The following BRWD1 variants were observed in gnomAD, a reference collection of about 807,000 sequenced individuals.
BRWD1 encodes the protein bromodomain and WD repeat domain containing 1, also known as bromodomain and WD repeat-containing protein 1.
BRWD1 carries 82 observed loss-of-function variants against 251.2 expected under a neutral mutation model. That is an observed-to-expected ratio of 0.33 (90% CI 0.27 to 0.39). The LOEUF is 0.39. BRWD1 is among the 10% of genes least tolerant of loss of function. BRWD1 has a pLI of 1.00. For missense variants in BRWD1, 2,233 were observed against 2,711.6 expected (o/e 0.82, Z 3.92); for synonymous variants, 918 against 902.8 (o/e 1.02, Z -0.30).
chr21:39,300,489 A>T (rs891221343), intron 4 of BRWD1, among the ~76,000 whole-genome samples: 3 of 152,232 alleles, frequency 2.0e-5, no homozygotes, highest in Admixed American at 2.0e-4. Context: ...CTCTGCTGGA[A>T]GGGAAAGTAT....
chr21:39,304,180 T>C (rs933576871), intron 4 of BRWD1, among the ~76,000 whole-genome samples: 9 of 138,100 alleles, frequency 6.5e-5, no homozygotes, highest in African/African-American at 2.4e-4. Flanking sequence ...ACAGAATAAG[T>C]AGAATACTTT....
chr21:39,292,119 GGGTGGGTGGGGGT>G lies in BRWD1; in HGVS notation c.831+1679_831+1691del, dbSNP rs2035827423. Among the ~76,000 whole-genome samples the G allele has an allele frequency of 4.2e-5, 2 of 47,262 alleles. 1 individual carries two copies. The highest frequency in any genetic ancestry group is 1.4e-4 in the African/African-American group (2 of 14,546). 31.0% of individuals were successfully genotyped at this position (47,262 alleles called of 152,430 possible). A position where few individuals can be genotyped will look rare whatever the true frequency, so the allele number is the denominator to read the frequency against. On this transcript the variant is annotated intron_variant, in intron 8 of 40. Transcript: ENST00000342449. ...ACCTTGCCAAACTATTTTTTGTGGG[GGGTGGGTGGGGGT>G]GGGGGGGGGGGTCTCACTAAGTTGC... is the stretch of plus-strand genomic sequence containing the variant.
intron 8 of BRWD1, 82 bp from the exon 9 acceptor site, chr21:39,280,330 A>G (rs2035416982): frequency 4.7e-6 from 5 of 1,067,414 alleles, no homozygotes; most frequent in Non-Finnish European, 1.4e-6. Flanking sequence ...CTTAACTTCA[A>G]TTGACAGTTT....
intron 9 of BRWD1, 40 bp downstream of exon 9, chr21:39,280,108 A>G (rs377168678): frequency 2.8e-5 from 40 of 1,411,052 alleles, no homozygotes; most frequent in Non-Finnish European, 3.9e-5. Context: ...CTGTAACTAC[A>G]TTAAAAAACA....
chr21:39,218,302 C>T (rs1433765982), intron 30 of BRWD1, 30 bp from the exon 31 acceptor site: 1 of 1,581,356 alleles, frequency 6.3e-7, no homozygotes, highest in Non-Finnish European at 8.6e-7. Context: ...AGTTTTTAAT[C>T]AATAAATCCA....
At chr21:39,261,670 T>C (rs914433673) in intron 17 of BRWD1, among the ~76,000 whole-genome samples, 1 of 152,122 alleles carries the variant, frequency 6.6e-6, no homozygotes, top group Non-Finnish European at 1.5e-5. Context: ...ATTGACAATT[T>C]CTGCCCTAAA....
intron 29 of BRWD1, among the ~76,000 whole-genome samples, chr21:39,220,357 T>C (rs1169890560): frequency 6.6e-6 from 1 of 152,206 alleles, no homozygotes; most frequent in African/African-American, 2.4e-5. Flanking sequence ...GCATGATACA[T>C]AGAGCAGTGG....
Position 39,194,238 on chromosome 21 carries a change from T to G in BRWD1, c.*2021A>C. The G allele has an allele frequency of 2.0e-6, 2 of 986,292 alleles. No homozygotes were observed. Among genetic ancestry groups the G allele is most frequent in the Non-Finnish European group, 2.4e-6 (2 of 828,820 alleles). 61.1% of individuals were successfully genotyped at this position (986,292 alleles called of 1,614,324 possible). On this transcript the variant is annotated 3_prime_UTR_variant, in exon 41 of 41. Transcript: ENST00000342449. ...TATACCAAAAGAATGTATGTACTTATGAATGTATTCCATATTTATTTATGG... is the reference window on the plus strand; with the variant it reads ...TATACCAAAAGAATGTATGTACTTAGGAATGTATTCCATATTTATTTATGG...
chr21:39,311,315 GCACCAC>G (rs1404524457), intron 4 of BRWD1, among the ~76,000 whole-genome samples: 1 of 151,838 alleles, frequency 6.6e-6, no homozygotes, highest in Admixed American at 6.6e-5. Context: ...CTACAGGCAC[GCACCAC>G]CACAGCCGCC....
intron 31 of BRWD1, among the ~76,000 whole-genome samples, chr21:39,216,124 C>T (rs1349397014): frequency 6.6e-6 from 1 of 152,126 alleles, no homozygotes; most frequent in Admixed American, 6.5e-5. Flanking sequence ...ATAATGTGGA[C>T]TCAAGATGAC....
chr21:39,210,750 A>G (rs1404651770), intron 35 of BRWD1, 36 bp downstream of exon 35: 7 of 1,562,374 alleles, frequency 4.5e-6, no homozygotes, highest in Non-Finnish European at 6.0e-6. Flanking sequence ...CTGCAAAACA[A>G]GAAAAGCCCC....
intron 15 of BRWD1, 58 bp downstream of exon 15, chr21:39,269,840 AC>A: frequency 7.4e-7 from 1 of 1,350,158 alleles, no homozygotes; most frequent in Non-Finnish European, 9.7e-7. Flanking sequence ...AAGCCGCATA[AC>A]CCAAATACTC....
chr21:39,296,767 A>C, intron 5 of BRWD1: 1 of 937,948 alleles, frequency 1.1e-6, no homozygotes, highest in Non-Finnish European at 1.3e-6. Context: ...AGATCTTTTG[A>C]CTCCAAGTCC....
chr21:39,290,448 G>A (rs1009673329), intron 8 of BRWD1, among the ~76,000 whole-genome samples: 2 of 148,202 alleles, frequency 1.3e-5, no homozygotes, highest in East Asian at 2.0e-4. Context: ...CTGAGATTGC[G>A]CCACTGCACT....
At chr21:39,237,654 C>T (rs1473977517) in intron 22 of BRWD1, among the ~76,000 whole-genome samples, 3 of 151,974 alleles carry the variant, frequency 2.0e-5, no homozygotes, top group Non-Finnish European at 4.4e-5. Flanking sequence ...TTGCCAGGGA[C>T]ATGAGGAAGG....
chr21:39,218,704 A>G (rs1216860530), intron 29 of BRWD1, 44 bp from the exon 30 acceptor site: 2 of 1,452,016 alleles, frequency 1.4e-6, no homozygotes, highest in Non-Finnish European at 1.8e-6. Context: ...AAAAAACACA[A>G]AAAATAAATA....
chr21:39,196,342 C>G lies in BRWD1; in HGVS notation c.6727G>C (p.Gly2243Arg). The G allele has an allele frequency of 6.2e-7, 1 of 1,613,464 alleles. No homozygotes were observed. The highest frequency in any genetic ancestry group is 8.5e-7 in the Non-Finnish European group (1 of 1,179,632). Residue 2243 changes from glycine to arginine, a missense_variant, in exon 41 of 41, where the codon GGT becomes CGT. Physicochemically the swap from Gly to Arg is moderately radical, Grantham distance 125. Coordinates refer to ENST00000342449, the MANE Select transcript of BRWD1 (RefSeq NM_033656.4). ...TCATGGTATCTCACAGTCCTTCTAC[C>G]CTGATTTCTCGTTTTTATTTTTGAA... is the stretch of plus-strand genomic sequence containing the variant. The part of the protein sequence containing the change: ...RRSKIKTRNQ[G>R]RRTVRYHDGD...
At chr21:39,318,940 T>A (rs140341257) in intron 1 of BRWD1, among the ~76,000 whole-genome samples, 1 of 152,126 alleles carries the variant, frequency 6.6e-6, no homozygotes, top group Non-Finnish European at 1.5e-5. Context: ...TAGATTTTAT[T>A]TATTTATTTA....
Position 39,194,604 on chromosome 21 carries a change from G to C in BRWD1, c.*1655C>G. The C allele has an allele frequency of 6.6e-7, 1 of 1,508,012 alleles. No homozygotes were observed. Among genetic ancestry groups the C allele is most frequent in the Non-Finnish European group, 8.8e-7 (1 of 1,132,538 alleles). The allele number at this position is 1,508,012 out of a possible 1,614,324, so 93.4% of individuals were successfully genotyped here. Reference sequence around the variant, plus strand: ...CAAAAACATCCTTCCCCATGCATCAGAGTAGAAAGAAAATGTACCTTCTAC... The same window carrying C: ...CAAAAACATCCTTCCCCATGCATCACAGTAGAAAGAAAATGTACCTTCTAC... On this transcript the variant is annotated 3_prime_UTR_variant, in exon 41 of 41. Transcript: ENST00000342449.
Sources: gnomAD v4.1 joint callset for allele counts (sites outside exome capture counted in the v4.1 genomes callset) on GRCh38, gnomAD v4.1.1 for gene constraint, MANE v1.5 for transcripts, NCBI Gene and HGNC (gene_info 2026-07-23, HGNC 2026-07-21) for gene names.